The following KCNK13 variants were observed in gnomAD, a reference collection of about 807,000 sequenced individuals.
KCNK13 encodes potassium channel subfamily K member 13.
In KCNK13, 12 loss-of-function variants were observed where a neutral mutation model predicts 23.4. The ratio of observed to expected loss-of-function variants is 0.51; its 90% CI spans 0.33 to 0.83. The LOEUF is 0.83. Ranked by LOEUF, KCNK13 falls within the 40% of genes least tolerant of loss-of-function variation. The pLI, the probability that KCNK13 is intolerant of heterozygous loss-of-function variation, is 0.02. For synonymous variants in KCNK13, 231 were observed against 229.5 expected (o/e 1.01, Z -0.06); for missense variants, 463 against 556.3 (o/e 0.83, Z 1.69).
rs537266614 is a variant in KCNK13 at position 90,174,173 on chromosome 14, G to T, written c.335-9938G>T. Among the ~76,000 whole-genome samples the T allele has an allele frequency of 2.9e-4, 44 of 152,258 alleles. No homozygotes were observed. In the South Asian group the frequency reaches 8.5e-3, roughly 29 times the overall value. ...AATACAAAAAAAATTAGCCGGGTGT[G>T]GTGGTGGGCACCTGTAGTCCCAGCT... On this transcript the variant is annotated intron_variant, in intron 1 of 1. Transcript: ENST00000282146.
chr14:90,103,559 GAGAC>G (rs1236926728), intron 1 of KCNK13, among the ~76,000 whole-genome samples: 1 of 152,072 alleles, frequency 6.6e-6, no homozygotes, highest in Non-Finnish European at 1.5e-5. Flanking sequence ...CCACCCCAGG[GAGAC>G]AGACAGGTTT....
At chr14:90,125,878 G>C (rs879784951) in intron 1 of KCNK13, among the ~76,000 whole-genome samples, 4 of 151,948 alleles carry the variant, frequency 2.6e-5, no homozygotes, top group Non-Finnish European at 5.9e-5. Context: ...ACAAAAATTA[G>C]CTGGGCGTGG....
At chr14:90,130,188 A>ATTTATTTC (rs1889850970) in intron 1 of KCNK13, among the ~76,000 whole-genome samples, 1 of 148,330 alleles carries the variant, frequency 6.7e-6, no homozygotes, top group Non-Finnish European at 1.5e-5. Context: ...ACATTTATTT[A>ATTTATTTC]TTTATTTATT....
intron 1 of KCNK13, among the ~76,000 whole-genome samples, chr14:90,078,029 G>C (rs1485826639): frequency 6.6e-6 from 1 of 152,164 alleles, no homozygotes; most frequent in Non-Finnish European, 1.5e-5. Context: ...CTGATATTTG[G>C]AATAGAGACA....
At chr14:90,070,535 C>T (rs932407074) in intron 1 of KCNK13, among the ~76,000 whole-genome samples, 3 of 152,182 alleles carry the variant, frequency 2.0e-5, no homozygotes, top group Non-Finnish European at 4.4e-5. Context: ...TTATTCTCTG[C>T]TCAATGTCTA....
chr14:90,136,281 A>G (rs944656897), intron 1 of KCNK13, among the ~76,000 whole-genome samples: 6 of 152,162 alleles, frequency 3.9e-5, no homozygotes, highest in Admixed American at 2.0e-4. Flanking sequence ...TCTATTTTAC[A>G]GGTCTTCCAT....
chr14:90,094,893 C>G (rs958563453), intron 1 of KCNK13, among the ~76,000 whole-genome samples: 2 of 152,062 alleles, frequency 1.3e-5, no homozygotes, highest in African/African-American at 4.8e-5. Context: ...GTGATCCTCC[C>G]GGCTCGGCCT....
chr14:90,124,255 T>G (rs1889770913), intron 1 of KCNK13, among the ~76,000 whole-genome samples: 1 of 152,244 alleles, frequency 6.6e-6, no homozygotes, highest in African/African-American at 2.4e-5. Flanking sequence ...GTTGAATGCC[T>G]GTGATATGTA....
At chr14:90,063,883 C>T (rs1219629455) in intron 1 of KCNK13, among the ~76,000 whole-genome samples, 1 of 152,216 alleles carries the variant, frequency 6.6e-6, no homozygotes, top group Admixed American at 6.5e-5. Flanking sequence ...ATTAGGGACA[C>T]ACCGGCTGTA....
At chr14:90,137,911 C>T (rs1156334117) in intron 1 of KCNK13, among the ~76,000 whole-genome samples, 1 of 152,174 alleles carries the variant, frequency 6.6e-6, no homozygotes, top group African/African-American at 2.4e-5. Flanking sequence ...AGTGGTCCAG[C>T]TTTTAGCGTG....
chr14:90,159,318 T>C (rs2140437652), intron 1 of KCNK13, among the ~76,000 whole-genome samples: 1 of 152,272 alleles, frequency 6.6e-6, no homozygotes, highest in East Asian at 1.9e-4. Flanking sequence ...ACCATGACAA[T>C]AGCTAAGACC....
At chr14:90,149,627 C>G (rs111834520) in intron 1 of KCNK13, among the ~76,000 whole-genome samples, 1,695 of 152,238 alleles carry the variant, frequency 0.011, 21 homozygotes, top group African/African-American at 0.039. Context: ...ATGGTAGTTA[C>G]AATTCAAGAT....
intron 1 of KCNK13, among the ~76,000 whole-genome samples, chr14:90,109,574 AATTTTTTTGT>A (rs1159608502): frequency 1.3e-5 from 2 of 151,294 alleles, no homozygotes; most frequent in African/African-American, 4.9e-5. Context: ...ACGCCTGGCT[AATTTTTTTGT>A]ATTTTTTAGT....
At chr14:90,141,478 A>T (rs770296428) in intron 1 of KCNK13, among the ~76,000 whole-genome samples, 2 of 150,454 alleles carry the variant, frequency 1.3e-5, no homozygotes, top group Non-Finnish European at 3.0e-5. Flanking sequence ...TGTTTCTGAG[A>T]TAGAGTTTCG....
chr14:90,172,910 C>G (rs1890381755), intron 1 of KCNK13, among the ~76,000 whole-genome samples: 1 of 152,136 alleles, frequency 6.6e-6, no homozygotes, highest in South Asian at 2.1e-4. Context: ...GCTGGCCAAG[C>G]AGATTGTGTG....
chr14:90,071,130 A>G (rs1889069709), intron 1 of KCNK13, among the ~76,000 whole-genome samples: 1 of 151,942 alleles, frequency 6.6e-6, no homozygotes, highest in African/African-American at 2.4e-5. Flanking sequence ...CTTTTCTTTT[A>G]TCGTAAATTC....
At chr14:90,093,557 C>T (rs566544683) in intron 1 of KCNK13, among the ~76,000 whole-genome samples, 3 of 152,132 alleles carry the variant, frequency 2.0e-5, no homozygotes, top group Non-Finnish European at 2.9e-5. Context: ...TTCCGAGGCA[C>T]CCCTGGTCCT....
intron 1 of KCNK13, among the ~76,000 whole-genome samples, chr14:90,148,938 G>A (rs1229396197): frequency 1.3e-5 from 2 of 152,150 alleles, no homozygotes; most frequent in Admixed American, 6.5e-5. Flanking sequence ...CTATTGTGAT[G>A]GTAACATCCA....
At chr14:90,133,978 G>A (rs897420803) in intron 1 of KCNK13, among the ~76,000 whole-genome samples, 3 of 152,166 alleles carry the variant, frequency 2.0e-5, no homozygotes, top group Admixed American at 1.3e-4. Context: ...GGCCTACCTC[G>A]GGTCGGGCAC....
Sources: allele counts gnomAD v4.1 joint callset (sites outside exome capture counted in the v4.1 genomes callset), GRCh38; gene constraint gnomAD v4.1.1; transcripts MANE v1.5; gene names NCBI Gene and HGNC (gene_info 2026-07-23, HGNC 2026-07-21).